GPHN: variants seen among roughly 807,000 people sequenced by gnomAD.
GPHN encodes gephyrin.
Under a neutral mutation model 95.5 loss-of-function variants are expected in GPHN, and 17 were observed. The ratio of observed to expected loss-of-function variants is 0.18; its 90% CI spans 0.12 to 0.27. GPHN has a LOEUF of 0.27. GPHN is among the 10% of genes least tolerant of loss of function. GPHN has a pLI of 1.00. For synonymous variants in GPHN, 320 were observed against 322.5 expected (o/e 0.99, Z 0.08); for missense variants, 660 against 978.1 (o/e 0.67, Z 4.34).
chr14:67,625,610 G>A, the GPHN span, among the ~76,000 whole-genome samples: 1 of 150,516 alleles, frequency 6.6e-6, no homozygotes, highest in Non-Finnish European at 1.5e-5. Flanking sequence ...AACCTGGGAG[G>A]CGGAGGTTGT....
intron 1 of GPHN, among the ~76,000 whole-genome samples, chr14:66,623,271 A>C (rs2005554): frequency 0.31 from 46,530 of 151,236 alleles, 10,816 homozygotes; most frequent in African/African-American, 0.63. Context: ...CGAAAGACCC[A>C]CCCCCATAAT....
At chr14:67,512,054 C>T in the GPHN span, among the ~76,000 whole-genome samples, 2 of 152,136 alleles carry the variant, frequency 1.3e-5, no homozygotes, top group South Asian at 4.1e-4. Flanking sequence ...AATTCTGGTA[C>T]GTAAATTCTG....
chr14:67,225,280 A>T, the GPHN span: 8 of 1,464,712 alleles, frequency 5.5e-6, no homozygotes, highest in Non-Finnish European at 7.2e-6. Flanking sequence ...CTTTTTAATT[A>T]TAAGTCTCTA....
the GPHN span, among the ~76,000 whole-genome samples, chr14:67,595,150 T>TA: frequency 1.7e-4 from 25 of 148,646 alleles, no homozygotes; most frequent in African/African-American, 5.2e-4. Flanking sequence ...AAAATAAAAA[T>TA]AAAAAAAATA....
chr14:67,372,113 A>G, the GPHN span, among the ~76,000 whole-genome samples: 1 of 151,974 alleles, frequency 6.6e-6, no homozygotes, highest in Non-Finnish European at 1.5e-5. Flanking sequence ...GTTATCTCTC[A>G]CTTCTTTTTA....
chr14:67,463,705 G>C, the GPHN span, among the ~76,000 whole-genome samples: 1 of 146,674 alleles, frequency 6.8e-6, no homozygotes, highest in South Asian at 2.2e-4. Context: ...GGCTGCTCTA[G>C]ACCATCAGCA....
the GPHN span, among the ~76,000 whole-genome samples, chr14:67,698,217 T>A: frequency 0.014 from 2,182 of 152,344 alleles, 58 homozygotes; most frequent in African/African-American, 0.05. Flanking sequence ...TGTATTTGCA[T>A]ATCCATATAA....
chr14:67,661,278 CAAAAAAAA>C, the GPHN span, among the ~76,000 whole-genome samples: 7 of 56,562 alleles, frequency 1.2e-4, no homozygotes, highest in South Asian at 1.1e-3. Context: ...AGGGCTAGAG[CAAAAAAAA>C]AAAAAAAAAA....
chr14:66,995,653 C>A (rs898161841), intron 9 of GPHN, among the ~76,000 whole-genome samples: 1 of 152,174 alleles, frequency 6.6e-6, no homozygotes, highest in Non-Finnish European at 1.5e-5. Context: ...ATAATAAGTG[C>A]ATTTCTGATT....
intron 2 of GPHN, among the ~76,000 whole-genome samples, chr14:66,694,115 T>C (rs999676940): frequency 2.0e-5 from 3 of 152,200 alleles, no homozygotes; most frequent in African/African-American, 7.2e-5. Context: ...TAACCCCCGA[T>C]GTGAGGGCGT....
chr14:67,458,477 C>A, the GPHN span, among the ~76,000 whole-genome samples: 1 of 152,278 alleles, frequency 6.6e-6, no homozygotes, highest in Non-Finnish European at 1.5e-5. Context: ...TAACAGTTAT[C>A]CCCATTTGGG....
intron 2 of GPHN, among the ~76,000 whole-genome samples, chr14:66,755,305 C>A (rs980025032): frequency 6.6e-6 from 1 of 152,076 alleles, no homozygotes; most frequent in Non-Finnish European, 1.5e-5. Flanking sequence ...TCTATTAGAG[C>A]ATAACTGCAT....
At chr14:66,795,154 A>G (rs1408517261) in intron 3 of GPHN, among the ~76,000 whole-genome samples, 2 of 152,190 alleles carry the variant, frequency 1.3e-5, no homozygotes, top group African/African-American at 4.8e-5. Context: ...CAATATTTTT[A>G]TATCTGCATA....
the GPHN span, chr14:67,651,465 G>A: frequency 6.2e-7 from 1 of 1,613,752 alleles, no homozygotes; most frequent in South Asian, 1.1e-5. Context: ...GAAAGCAGCA[G>A]CTTGTTGGTT....
chr14:67,713,265 C>CA, the GPHN span, among the ~76,000 whole-genome samples: 20,075 of 150,844 alleles, frequency 0.13, 1,350 homozygotes, highest in East Asian at 0.21. Flanking sequence ...AACAAACAAA[C>CA]AAAAAACAAA....
At chr14:66,774,576 TTTTTCTCTCA>T (rs2059312969) in intron 2 of GPHN, among the ~76,000 whole-genome samples, 2 of 152,220 alleles carry the variant, frequency 1.3e-5, no homozygotes, top group Admixed American at 1.3e-4. Context: ...CTATGTATAT[TTTTTCTCTCA>T]AAAAGTCTTG....
chr14:66,597,952 A>T (rs372606908), intron 1 of GPHN, among the ~76,000 whole-genome samples: 30 of 152,368 alleles, frequency 2.0e-4, no homozygotes, highest in African/African-American at 6.7e-4. Context: ...TTCACCCTTA[A>T]CAAAAGAAGG....
At chr14:67,586,689 TG>T in the GPHN span, 1 of 605,102 alleles carries the variant, frequency 1.7e-6, no homozygotes, top group South Asian at 1.9e-5. Flanking sequence ...GAAACCCTGT[TG>T]TTCTCCTTTT....
intron 3 of GPHN, among the ~76,000 whole-genome samples, chr14:66,822,800 A>G (rs1409119578): frequency 6.6e-6 from 1 of 152,182 alleles, no homozygotes; most frequent in Non-Finnish European, 1.5e-5. Context: ...CTTGGATTTC[A>G]TATCACTTTT....
Sources: allele counts gnomAD v4.1 joint callset (sites outside exome capture counted in the v4.1 genomes callset), GRCh38; gene constraint gnomAD v4.1.1; transcripts MANE v1.5; gene names NCBI Gene and HGNC (gene_info 2026-07-23, HGNC 2026-07-21).